DOCK2: variants seen among roughly 807,000 people sequenced by gnomAD.
DOCK2 encodes dedicator of cytokinesis protein 2.
Under a neutral mutation model 248.9 loss-of-function variants are expected in DOCK2, and 87 were observed. The ratio of observed to expected loss-of-function variants is 0.35; its 90% confidence interval spans 0.29 to 0.42. The LOEUF is 0.42. Among genes scored for constraint, DOCK2 ranks in the 10% least tolerant of loss-of-function variants. The pLI is 1.00. For synonymous variants in DOCK2, 805 were observed against 821.6 expected (o/e 0.98, Z 0.35); for missense variants, 1,747 against 2,300.2 (o/e 0.76, Z 4.92).
At chr5:169,822,852 A>G (rs1168902609) in intron 26 of DOCK2, among the ~76,000 whole-genome samples, 1 of 152,210 alleles carries the variant, frequency 6.6e-6, no homozygotes, top group East Asian at 1.9e-4. Context: ...GAAAAGATCA[A>G]CAAAATTGAT....
intron 37 of DOCK2, among the ~76,000 whole-genome samples, chr5:170,041,386 A>G (rs1363342137): frequency 2.0e-5 from 3 of 152,240 alleles, no homozygotes; most frequent in Non-Finnish European, 2.9e-5. Flanking sequence ...GCAGCTTTAT[A>G]TAATATCTAA....
At chr5:169,689,883 C>T (rs957981417) in intron 9 of DOCK2, among the ~76,000 whole-genome samples, 1 of 152,120 alleles carries the variant, frequency 6.6e-6, no homozygotes. Context: ...AAGACATGTA[C>T]GTAGAAATGT....
At chr5:170,034,364 G>A in intron 34 of DOCK2, 35 bp from the exon 35 acceptor site, 1 of 1,611,780 alleles carries the variant, frequency 6.2e-7, no homozygotes, top group Non-Finnish European at 8.5e-7. Flanking sequence ...TTTCTCCCCA[G>A]CCATGAGCTC....
intron 1 of DOCK2, among the ~76,000 whole-genome samples, chr5:169,647,624 A>G (rs73799180): frequency 0.025 from 3,734 of 152,174 alleles, 143 homozygotes; most frequent in African/African-American, 0.084. Context: ...GACTCCATTA[A>G]GATGGCCCTG....
chr5:169,724,201 G>A (rs959857118), intron 22 of DOCK2, among the ~76,000 whole-genome samples: 1 of 152,144 alleles, frequency 6.6e-6, no homozygotes, highest in Non-Finnish European at 1.5e-5. Flanking sequence ...TGACATTAGG[G>A]GCTGCTGAGA....
chr5:169,996,029 C>G (rs557451931), intron 29 of DOCK2, 57 bp from the exon 30 acceptor site: 1 of 1,580,038 alleles, frequency 6.3e-7, no homozygotes, highest in African/African-American at 1.4e-5. Flanking sequence ...GGCATAAGGA[C>G]GAAGGAACTT....
At position 170,045,803 on chromosome 5, in the gene DOCK2, G is replaced by A; in HGVS notation, c.3877-13G>A. 1 of 1,613,900 alleles carries A rather than the reference G, an allele frequency of 6.2e-7. No individual in the cohort carries two copies. Among genetic ancestry groups the A allele is most frequent in the South Asian group, 1.1e-5 (1 of 91,066 alleles). On this transcript the variant is annotated splice_polypyrimidine_tract_variant and intron_variant, in intron 38 of 51. Coordinates refer to ENST00000520908, the MANE Select transcript of DOCK2 (RefSeq NM_004946.3). ...GGTGCCACCTCACCTTTGTCCCTGT[G>A]ACCTTCCTGTAGATGTGGGAAGAGG...
At chr5:169,689,855 T>TA (rs1161740819) in intron 9 of DOCK2, among the ~76,000 whole-genome samples, 1 of 152,226 alleles carries the variant, frequency 6.6e-6, no homozygotes, top group Non-Finnish European at 1.5e-5. Context: ...TCCTTCTAAA[T>TA]ACCAATACTC....
intron 41 of DOCK2, among the ~76,000 whole-genome samples, chr5:170,051,345 C>T (rs1382144225): frequency 6.6e-6 from 1 of 152,228 alleles, no homozygotes; most frequent in Non-Finnish European, 1.5e-5. Context: ...CCCTTTCTCA[C>T]ATCCCTCTGA....
At chr5:169,958,681 C>G (rs1776961460) in intron 27 of DOCK2, among the ~76,000 whole-genome samples, 1 of 151,850 alleles carries the variant, frequency 6.6e-6, no homozygotes, top group African/African-American at 2.4e-5. Flanking sequence ...GTGGAGCTCT[C>G]TTGAAGATGG....
chr5:170,020,460 A>C (rs1755682783), intron 33 of DOCK2, among the ~76,000 whole-genome samples: 1 of 152,218 alleles, frequency 6.6e-6, no homozygotes, highest in Non-Finnish European at 1.5e-5. Context: ...GATGATGATG[A>C]TGATGATTAT....
chr5:169,728,535 G>A (rs1169075367), intron 22 of DOCK2, among the ~76,000 whole-genome samples: 1 of 152,078 alleles, frequency 6.6e-6, no homozygotes. Context: ...AGGGAGTGTC[G>A]GCAGTGTCAG....
In DOCK2 at chr5:169,800,083, G is replaced by A. The variant is rs528990618; in HGVS notation, c.2555-2975G>A. 5.9e-5 allele frequency among the ~76,000 whole-genome samples: 9 copies of A among 152,264 alleles called. No individual in the cohort carries two copies. The South Asian group carries it at 1.7e-3, about 28-fold the overall frequency. On this transcript the variant is annotated intron_variant, in intron 25 of 51. Transcript: ENST00000520908. ...ACCTCCCAAAGTGCTGCAATTATAG[G>A]AGTGAGCTACCATGCTCAGCCCCAA...
intron 27 of DOCK2, chr5:169,883,780 T>C (rs1454490991): frequency 6.4e-7 from 1 of 1,551,576 alleles, no homozygotes; most frequent in Non-Finnish European, 8.7e-7. Context: ...CCCATCTTCC[T>C]TGAATCTCAC....
Position 170,077,844 on chromosome 5 carries a change from C to T in DOCK2, c.4994+7C>T. The T allele has an allele frequency of 6.2e-7, 1 of 1,611,836 alleles. No individual in the cohort carries two copies. The stretch of plus-strand genomic sequence containing the variant: ...GCAAGCCTACCTCAGAGAGGTCAGT[C>T]CCTGCACCCCAAGGAGCCCCCCACA... On this transcript the variant is annotated splice_region_variant and intron_variant, in intron 48 of 51. Transcript: ENST00000520908.
chr5:169,720,891 C>A (rs1160395564), intron 22 of DOCK2, among the ~76,000 whole-genome samples: 1 of 152,082 alleles, frequency 6.6e-6, no homozygotes, highest in Non-Finnish European at 1.5e-5. Context: ...TCACCACACC[C>A]AGCTAATTTT....
chr5:169,925,431 T>C (rs951709311), intron 27 of DOCK2, among the ~76,000 whole-genome samples: 1 of 151,972 alleles, frequency 6.6e-6, no homozygotes, highest in Non-Finnish European at 1.5e-5. Context: ...ATTACAAAAA[T>C]TAACTGAGCG....
chr5:169,996,017 C>G, intron 29 of DOCK2, 69 bp from the exon 30 acceptor site: 1 of 1,538,882 alleles, frequency 6.5e-7, no homozygotes, highest in Non-Finnish European at 8.9e-7. Flanking sequence ...GAATTTTAGT[C>G]TGGCATAAGG....
At chr5:169,838,904 G>A (rs147077922) in intron 26 of DOCK2, among the ~76,000 whole-genome samples, 7 of 152,290 alleles carry the variant, frequency 4.6e-5, no homozygotes, top group African/African-American at 1.4e-4. Context: ...TGGGGCAGGG[G>A]GAGGACATTT....
Sources: gnomAD v4.1 joint callset for allele counts (sites outside exome capture counted in the v4.1 genomes callset) on GRCh38, gnomAD v4.1.1 for gene constraint, MANE v1.5 for transcripts, NCBI Gene and HGNC (gene_info 2026-07-23, HGNC 2026-07-21) for gene names.